Variants in ZMIZ1 observed in about 807,000 individuals in gnomAD.
ZMIZ1 encodes the protein zinc finger MIZ domain-containing protein 1.
A neutral mutation model predicts 113.9 loss-of-function variants in ZMIZ1; 17 were observed. The ratio of observed to expected loss-of-function variants is 0.15; its 90% confidence interval spans 0.10 to 0.22. The LOEUF (loss-of-function observed/expected upper bound fraction) is 0.22. Ranked by LOEUF, ZMIZ1 falls within the 10% of genes least tolerant of loss-of-function variation. The pLI is 1.00. For synonymous variants in ZMIZ1, 607 were observed against 603.1 expected, an observed-to-expected ratio of 1.01 and a Z score of -0.09; for missense variants, 1,059 against 1,477.8, an observed-to-expected ratio of 0.72 and a Z score of 4.65.
chr10:79,291,375 G>C (rs1025377592), intron 10 of ZMIZ1, among the ~76,000 whole-genome samples, 199 bp downstream of exon 10: 2 of 152,256 alleles, frequency 1.3e-5, no homozygotes, highest in Admixed American at 6.5e-5. Flanking sequence ...CAGTTGGCCT[G>C]TGTTCTGACA....
At chr10:79,104,905 A>G (rs1257912223) in intron 1 of ZMIZ1, among the ~76,000 whole-genome samples, 1 of 151,332 alleles carries the variant, frequency 6.6e-6, no homozygotes, top group Non-Finnish European at 1.5e-5. Flanking sequence ...TTGATTTCCT[A>G]TCAGCATTGA....
rs190137368 is a variant in ZMIZ1 at position 79,316,458 on chromosome 10, T to G, written c.*3709T>G. 1 of 152,936 alleles carries G rather than the reference T, an allele frequency of 6.5e-6. No homozygotes were observed. The highest frequency in any genetic ancestry group is 2.4e-5 in the African/African-American group (1 of 41,594). 9.5% of individuals were successfully genotyped at this position (152,936 alleles called of 1,614,324 possible). On this transcript the variant is annotated 3_prime_UTR_variant, in exon 25 of 25. Transcript: ENST00000334512. ...TGCTAGACATTTCTATACTCTGTTG[T>G]AACACTGAGGTATCTCATTTGCCCA...
intron 17 of ZMIZ1, 85 bp downstream of exon 17, chr10:79,301,027 G>T: frequency 6.5e-7 from 1 of 1,541,428 alleles, no homozygotes; most frequent in Admixed American, 1.8e-5. Flanking sequence ...GCCCCACTCT[G>T]GTCCTCAGCC....
At position 79,162,034 on chromosome 10, in the gene ZMIZ1, C is replaced by G; in HGVS notation, c.-130-19C>G. ...CCTCTACTGTGGGTAGACCCGCTGA[C>G]CTCCCACTTTCATTGCAGCAGGATG... On this transcript the variant is annotated intron_variant, in intron 3 of 24. Transcript: ENST00000334512. 5.0e-6 allele frequency: 2 copies of G among 399,134 alleles called. No individual in the cohort carries two copies. The highest frequency in any genetic ancestry group is 7.1e-5 in the East Asian group (2 of 28,078). The allele number at this position is 399,134 out of a possible 1,614,324, so 24.7% of individuals were successfully genotyped here. A position where few individuals can be genotyped will look rare whatever the true frequency, so the allele number is the denominator to read the frequency against.
At chr10:79,263,352 C>T (rs757034281) in intron 7 of ZMIZ1, among the ~76,000 whole-genome samples, 1 of 152,148 alleles carries the variant, frequency 6.6e-6, no homozygotes, top group Non-Finnish European at 1.5e-5. Context: ...CAGTCAGGCA[C>T]TGTAAGCAGG....
chr10:79,232,984 G>C (rs1000206187), intron 7 of ZMIZ1, among the ~76,000 whole-genome samples: 3 of 152,210 alleles, frequency 2.0e-5, no homozygotes, highest in Admixed American at 6.5e-5. Context: ...GAATCTGGAG[G>C]CTCCCTCTTG....
rs1589628310 is a variant in ZMIZ1 at position 79,313,055 on chromosome 10, C to T, written c.*306C>T. 7 of 399,678 alleles carry T rather than the reference C, an allele frequency of 1.8e-5. No homozygotes were observed. The highest frequency in any genetic ancestry group is 1.7e-4 in the South Asian group (5 of 29,774). 24.8% of individuals were successfully genotyped at this position (399,678 alleles called of 1,614,324 possible). ...GGAACCAGCCCGGTAAGAGGGCACA[C>T]GCTGATGCGGCTTCCCGGTCCCTCC... On this transcript the variant is annotated 3_prime_UTR_variant, in exon 25 of 25. Coordinates refer to ENST00000334512, the MANE Select transcript of ZMIZ1 (RefSeq NM_020338.4).
chr10:79,101,866 A>T (rs1002571405), intron 1 of ZMIZ1, among the ~76,000 whole-genome samples: 6 of 152,170 alleles, frequency 3.9e-5, no homozygotes, highest in African/African-American at 1.4e-4. Flanking sequence ...TGAGGATGTG[A>T]TGTGAGGAGC....
At chr10:79,246,693 G>C (rs988669931) in intron 7 of ZMIZ1, among the ~76,000 whole-genome samples, 1 of 152,118 alleles carries the variant, frequency 6.6e-6, no homozygotes, top group Non-Finnish European at 1.5e-5. Context: ...CCCAAGCCTC[G>C]GCTGCAGGAG....
intron 5 of ZMIZ1, among the ~76,000 whole-genome samples, chr10:79,205,879 T>G (rs775835464): frequency 3.4e-4 from 51 of 152,160 alleles, no homozygotes; most frequent in Non-Finnish European, 6.9e-4. Context: ...GGAGGACTGC[T>G]TGAGCTCAGG....
At chr10:79,193,830 G>A (rs992768067) in intron 4 of ZMIZ1, among the ~76,000 whole-genome samples, 3 of 152,206 alleles carry the variant, frequency 2.0e-5, no homozygotes, top group Non-Finnish European at 2.9e-5. Context: ...AGCACAGTCC[G>A]GGAGGCAGGG....
At position 79,300,964 on chromosome 10, in the gene ZMIZ1, C is replaced by A. The variant is rs11002913; in HGVS notation, c.2019+22C>A. 8.9e-3 allele frequency: 14,204 copies of A among 1,604,292 alleles called. 848 individuals carry two copies. The African/African-American group carries it at 0.14, about 16-fold the overall frequency. On this transcript the variant is annotated intron_variant, in intron 17 of 24. Transcript: ENST00000334512. ...CTGCGTGAGTGTGGTGGGCCAGGGG[C>A]AGCGTTGGCACAGGCAGGCCCTGTT...
At chr10:79,174,375 C>T (rs186998822) in intron 4 of ZMIZ1, among the ~76,000 whole-genome samples, 10 of 152,324 alleles carry the variant, frequency 6.6e-5, no homozygotes, top group East Asian at 5.8e-4. Flanking sequence ...TCCCAGTTGT[C>T]GGCTCCAAAG....
intron 17 of ZMIZ1, among the ~76,000 whole-genome samples, chr10:79,301,684 TG>T (rs1854310943): frequency 6.6e-6 from 1 of 152,024 alleles, no homozygotes; most frequent in Non-Finnish European, 1.5e-5. Context: ...TGATGTGCTG[TG>T]TGAGGCTGCA....
At chr10:79,170,189 T>C (rs1258476366) in intron 4 of ZMIZ1, among the ~76,000 whole-genome samples, 1 of 152,198 alleles carries the variant, frequency 6.6e-6, no homozygotes, top group African/African-American at 2.4e-5. Flanking sequence ...ATCTGGCCAA[T>C]CTGGGACACA....
chr10:79,261,608 TTACAGCCAC>T (rs1287983707), intron 7 of ZMIZ1, among the ~76,000 whole-genome samples: 1 of 152,180 alleles, frequency 6.6e-6, no homozygotes, highest in Non-Finnish European at 1.5e-5. Flanking sequence ...AGTTCAGTTC[TTACAGCCAC>T]TCTGTGAAGC....
intron 7 of ZMIZ1, among the ~76,000 whole-genome samples, chr10:79,255,831 G>C (rs1190396922): frequency 6.6e-6 from 1 of 152,158 alleles, no homozygotes; most frequent in South Asian, 2.1e-4. Context: ...TTTCCGCATC[G>C]ATCATAAACA....
At chr10:79,276,970 C>T (rs1852331121) in intron 7 of ZMIZ1, among the ~76,000 whole-genome samples, 1 of 152,164 alleles carries the variant, frequency 6.6e-6, no homozygotes, top group Non-Finnish European at 1.5e-5. Flanking sequence ...ATGACAGAAA[C>T]TTTTGTATCC....
intron 7 of ZMIZ1, among the ~76,000 whole-genome samples, chr10:79,259,114 A>G (rs1447157817): frequency 1.3e-5 from 2 of 152,098 alleles, no homozygotes; most frequent in South Asian, 4.1e-4. Context: ...GGCCCAAGTG[A>G]TGGATGATGT....
Sources: allele counts gnomAD v4.1 joint callset (sites outside exome capture counted in the v4.1 genomes callset), GRCh38; gene constraint gnomAD v4.1.1; transcripts MANE v1.5; gene names NCBI Gene and HGNC (gene_info 2026-07-23, HGNC 2026-07-21).